The following SHISA6 variants were observed in gnomAD, a reference collection of about 807,000 sequenced individuals.
The protein encoded by SHISA6 is shisa family member 6, also known as protein shisa-6.
In SHISA6, 22 loss-of-function variants were observed where a neutral mutation model predicts 47.9. That is an observed-to-expected ratio of 0.46 (90% CI 0.33 to 0.66). The LOEUF is 0.66. Ranked by LOEUF, SHISA6 falls within the 30% of genes least tolerant of loss-of-function variation. The pLI, the probability that SHISA6 is intolerant of heterozygous loss-of-function variation, is 0.02. For missense variants in SHISA6, 680 were observed against 764.6 expected (o/e 0.89, Z 1.30); for synonymous variants, 388 against 337.8 (o/e 1.15, Z -1.63).
intron 3 of SHISA6, among the ~76,000 whole-genome samples, chr17:11,483,949 G>T (rs945118072): frequency 6.6e-6 from 1 of 152,106 alleles, no homozygotes; most frequent in Non-Finnish European, 1.5e-5. Context: ...GCAAGATAAA[G>T]GGGAATATTT....
At chr17:11,338,308 C>T (rs1332188864) in intron 2 of SHISA6, among the ~76,000 whole-genome samples, 1 of 152,180 alleles carries the variant, frequency 6.6e-6, no homozygotes, top group Non-Finnish European at 1.5e-5. Flanking sequence ...GTCCAAGGAG[C>T]GACTACTAGT....
At chr17:11,505,171 C>T (rs1017979559) in intron 3 of SHISA6, among the ~76,000 whole-genome samples, 1 of 152,190 alleles carries the variant, frequency 6.6e-6, no homozygotes, top group Non-Finnish European at 1.5e-5. Context: ...GTCCAGCGAT[C>T]GCTGTCTCTC....
chr17:11,361,717 T>C (rs1162946352), intron 2 of SHISA6, among the ~76,000 whole-genome samples: 1 of 152,220 alleles, frequency 6.6e-6, no homozygotes, highest in Non-Finnish European at 1.5e-5. Context: ...AAAATGTGAA[T>C]ATGGGTATTT....
chr17:11,396,681 G>A (rs1913581598), intron 3 of SHISA6, among the ~76,000 whole-genome samples: 1 of 152,100 alleles, frequency 6.6e-6, no homozygotes, highest in Admixed American at 6.6e-5. Context: ...TCATAAGTGG[G>A]AGCTGAACAA....
intron 3 of SHISA6, among the ~76,000 whole-genome samples, chr17:11,536,593 A>T (rs776207482): frequency 2.0e-5 from 3 of 152,174 alleles, no homozygotes; most frequent in Non-Finnish European, 4.4e-5. Flanking sequence ...TTGCAAAAGA[A>T]TCTCACAGCA....
chr17:11,525,972 G>A (rs2071676047), intron 3 of SHISA6, among the ~76,000 whole-genome samples: 1 of 151,380 alleles, frequency 6.6e-6, no homozygotes, highest in African/African-American at 2.4e-5. Context: ...TCATGTCACT[G>A]CACTCCAGTC....
At chr17:11,369,708 TTTC>T (rs1912566577) in intron 2 of SHISA6, among the ~76,000 whole-genome samples, 1 of 152,198 alleles carries the variant, frequency 6.6e-6, no homozygotes, top group African/African-American at 2.4e-5. Context: ...GCCCGGCTCT[TTTC>T]AGGGTTTGTC....
At chr17:11,366,284 A>T (rs1279976562) in intron 2 of SHISA6, among the ~76,000 whole-genome samples, 1 of 152,160 alleles carries the variant, frequency 6.6e-6, no homozygotes, top group Non-Finnish European at 1.5e-5. Flanking sequence ...AGTAGCTGGG[A>T]CTACAGGCAC....
chr17:11,251,629 GC>G (rs2142137219), intron 1 of SHISA6, among the ~76,000 whole-genome samples: 1 of 152,184 alleles, frequency 6.6e-6, no homozygotes, highest in East Asian at 1.9e-4. Flanking sequence ...CTCCCACCCT[GC>G]CCCATGTCTA....
At chr17:11,255,740 C>G (rs1484606856) in intron 1 of SHISA6, among the ~76,000 whole-genome samples, 2 of 152,182 alleles carry the variant, frequency 1.3e-5, no homozygotes, top group African/African-American at 4.8e-5. Context: ...GTGTGGCTCC[C>G]CCACCACACC....
chr17:11,353,858 G>A (rs1372189567), intron 2 of SHISA6, among the ~76,000 whole-genome samples: 1 of 152,164 alleles, frequency 6.6e-6, no homozygotes, highest in Admixed American at 6.5e-5. Context: ...TGGGCGTGCT[G>A]TATAAATTCA....
intron 2 of SHISA6, among the ~76,000 whole-genome samples, chr17:11,316,461 C>T (rs1910526922): frequency 7.4e-6 from 1 of 135,256 alleles, no homozygotes; most frequent in Admixed American, 8.2e-5. Context: ...TGCTCTGTCG[C>T]CTAGGCTGGA....
chr17:11,466,799 C>T (rs1915820149), intron 3 of SHISA6, among the ~76,000 whole-genome samples: 1 of 152,116 alleles, frequency 6.6e-6, no homozygotes, highest in African/African-American at 2.4e-5. Flanking sequence ...AATTGCCTCC[C>T]ACGGGGACCG....
chr17:11,522,052 G>A (rs1385866540), intron 3 of SHISA6, among the ~76,000 whole-genome samples: 12 of 151,208 alleles, frequency 7.9e-5, no homozygotes, highest in East Asian at 3.9e-4. Flanking sequence ...TGCAACCTCC[G>A]CCTCCCAGGT....
chr17:11,340,426 C>T (rs1911481903), intron 2 of SHISA6, among the ~76,000 whole-genome samples: 1 of 152,170 alleles, frequency 6.6e-6, no homozygotes, highest in Non-Finnish European at 1.5e-5. Flanking sequence ...ATGCAGCAGG[C>T]TAGGCTAAGC....
At chr17:11,514,362 G>A (rs2071565297) in intron 3 of SHISA6, among the ~76,000 whole-genome samples, 1 of 152,142 alleles carries the variant, frequency 6.6e-6, no homozygotes, top group South Asian at 2.1e-4. Flanking sequence ...CATAAGGCTT[G>A]GGCTTCTGTT....
chr17:11,392,775 T>C (rs1001349251), intron 3 of SHISA6, among the ~76,000 whole-genome samples: 4 of 152,240 alleles, frequency 2.6e-5, no homozygotes, highest in East Asian at 3.9e-4. Flanking sequence ...CTTACGCTTA[T>C]GCAATGAAGA....
At chr17:11,312,331 T>C (rs1312776106) in intron 2 of SHISA6, among the ~76,000 whole-genome samples, 1 of 152,222 alleles carries the variant, frequency 6.6e-6, no homozygotes, top group African/African-American at 2.4e-5. Flanking sequence ...ATTTCCTTCT[T>C]ATAACAACCC....
chr17:11,306,220 C>T (rs73295437), intron 2 of SHISA6, among the ~76,000 whole-genome samples: 474 of 152,284 alleles, frequency 3.1e-3, no homozygotes, highest in African/African-American at 0.01. Flanking sequence ...CTCATGAGGT[C>T]TGGATTCCCG....
Sources: allele counts gnomAD v4.1 joint callset (sites outside exome capture counted in the v4.1 genomes callset), GRCh38; gene constraint gnomAD v4.1.1; transcripts MANE v1.5; gene names NCBI Gene and HGNC (gene_info 2026-07-23, HGNC 2026-07-21).